The following EIF2AK3 variants were observed in gnomAD, a reference collection of about 807,000 sequenced individuals.
EIF2AK3 encodes the protein eukaryotic translation initiation factor 2-alpha kinase 3.
EIF2AK3 carries 50 observed loss-of-function variants against 113.5 expected under a neutral mutation model. The ratio of observed to expected loss-of-function variants is 0.44; its 90% CI spans 0.35 to 0.56. The LOEUF is 0.56. EIF2AK3 is among the 20% of genes least tolerant of loss of function. EIF2AK3 has a pLI of 0.00. For missense variants in EIF2AK3, 1,185 were observed against 1,378.0 expected (o/e 0.86, Z 2.22); for synonymous variants, 448 against 495.4 (o/e 0.90, Z 1.27).
At chr2:88,575,912 A>G (rs1674446906) in intron 12 of EIF2AK3, among the ~76,000 whole-genome samples, 1 of 152,192 alleles carries the variant, frequency 6.6e-6, no homozygotes. Flanking sequence ...TGTAGGTAGG[A>G]GTTTCACTCC....
intron 2 of EIF2AK3, among the ~76,000 whole-genome samples, chr2:88,606,434 A>C (rs1675280444): frequency 6.6e-6 from 1 of 152,244 alleles, no homozygotes; most frequent in Admixed American, 6.5e-5. Context: ...TAACAAAATT[A>C]AATTAAAGCA....
chr2:88,627,054 T>C lies in EIF2AK3; in HGVS notation c.221A>G (p.Asp74Gly). ...AVAAAEVTVE[D>G]AEALPAAAGE... ...CGCGGCTGCCGGCAGCGCCTCAGCG[T>C]CCTCCACAGTCACCTCGGCCGCAGC... The change falls in exon 1 of 17, where the codon GAC becomes GGC. Residue 74 changes from aspartate to glycine, a missense_variant. By Grantham distance (94) the Asp-to-Gly change is moderately conservative (BLOSUM62 -1). Transcript: ENST00000303236. 1 of 1,593,348 alleles carries C rather than the reference T, an allele frequency of 6.3e-7. No homozygotes were observed. The highest frequency in any genetic ancestry group is 8.5e-7 in the Non-Finnish European group (1 of 1,175,596).
At position 88,570,356 on chromosome 2, in the gene EIF2AK3, T is replaced by G. The variant is rs138682565; in HGVS notation, c.2985+518A>C. On this transcript the variant is annotated intron_variant, in intron 14 of 16. Transcript: ENST00000303236. ...GCCTGATGCTTCCAGGATGCCCTGC[T>G]CCCCCAGCTCTTCCAGTCCCTGCCC... Among the ~76,000 whole-genome samples the G allele has an allele frequency of 3.3e-3, 495 of 152,244 alleles. 8 individuals are homozygous for G. In the South Asian group the frequency reaches 0.035, roughly 11 times the overall value.
At chr2:88,588,935 G>A in intron 6 of EIF2AK3, 34 bp from the exon 7 acceptor site, 2 of 1,609,082 alleles carry the variant, frequency 1.2e-6, no homozygotes, top group Non-Finnish European at 1.7e-6. Context: ...ATTATGCATT[G>A]ATTTTTTTAA....
Position 88,574,983 on chromosome 2 carries a change from C to T in EIF2AK3, c.2500G>A (p.Ala834Thr), listed in dbSNP as rs751296708. The T allele has an allele frequency of 1.1e-5, 18 of 1,614,070 alleles. No individual in the cohort carries two copies. The highest frequency in any genetic ancestry group is 1.4e-5 in the Non-Finnish European group (16 of 1,180,034). ...TNRLHIGNHC[A>T]NKLTAFKPTS... ...GGCTTGAAAGCAGTTAGTTTATTAGCACAATGGTTGCCAATATGCAATCGA... is the reference window on the plus strand; with the variant it reads ...GGCTTGAAAGCAGTTAGTTTATTAGTACAATGGTTGCCAATATGCAATCGA... The change falls in exon 13 of 17, where the codon GCT becomes ACT. Residue 834 changes from alanine (A) to threonine (T), a missense_variant. Ala to Thr is a moderately conservative substitution (Grantham distance 58, BLOSUM62 0). This residue lies in a region of EIF2AK3 where 877 missense variants were observed against 1,024.2 expected (regional missense o/e 0.86). Transcript: ENST00000303236.
chr2:88,593,467 T>C (rs1689060123), intron 3 of EIF2AK3, 62 bp from the exon 4 acceptor site: 6 of 1,586,300 alleles, frequency 3.8e-6, no homozygotes, highest in Non-Finnish European at 1.7e-6. Flanking sequence ...AGATCAGAGA[T>C]ATTAAAGGAA....
chr2:88,616,852 G>A lies in EIF2AK3; in HGVS notation c.309-2999C>T, dbSNP rs13431875. 6.5e-3 allele frequency among the ~76,000 whole-genome samples: 989 copies of A among 152,274 alleles called. 14 individuals are homozygous for A. Among genetic ancestry groups the A allele is most frequent in the African/African-American group, 0.023 (952 of 41,542 alleles). On this transcript the variant is annotated intron_variant, in intron 1 of 16. Transcript: ENST00000303236. Reference sequence around the variant, plus strand: ...ATATTCCTGGTCAGGAATACAAGATGCAACTTTATCTCTTCTATATCACTT... The same window carrying A: ...ATATTCCTGGTCAGGAATACAAGATACAACTTTATCTCTTCTATATCACTT...
At chr2:88,559,328 A>G (rs915763952) in intron 15 of EIF2AK3, among the ~76,000 whole-genome samples, 1 of 152,220 alleles carries the variant, frequency 6.6e-6, no homozygotes, top group East Asian at 1.9e-4. Flanking sequence ...ATACAGTATA[A>G]TACTTATTTA....
At chr2:88,608,743 C>G (rs1379986179) in intron 2 of EIF2AK3, among the ~76,000 whole-genome samples, 1 of 108,548 alleles carries the variant, frequency 9.2e-6, no homozygotes, top group Non-Finnish European at 1.7e-5. Flanking sequence ...GGGTCTCACT[C>G]TGTCACCCAG....
At chr2:88,604,095 TAGAA>T (rs1675214412) in intron 2 of EIF2AK3, among the ~76,000 whole-genome samples, 3 of 152,182 alleles carry the variant, frequency 2.0e-5, no homozygotes, top group African/African-American at 7.2e-5. Flanking sequence ...TGTGGGAGAC[TAGAA>T]ATAGTCTCCC....
intron 6 of EIF2AK3, among the ~76,000 whole-genome samples, chr2:88,589,606 T>C (rs1313418779): frequency 1.3e-5 from 2 of 150,808 alleles, no homozygotes; most frequent in African/African-American, 2.4e-5. Flanking sequence ...TTTGAGGATA[T>C]ATACCTAACT....
At chr2:88,603,288 C>T (rs1573414601) in intron 2 of EIF2AK3, among the ~76,000 whole-genome samples, 2 of 152,204 alleles carry the variant, frequency 1.3e-5, no homozygotes, top group Non-Finnish European at 2.9e-5. Context: ...TTCTCAAAAT[C>T]GCTCTCCACA....
chr2:88,595,853 T>C (rs1323045885), intron 2 of EIF2AK3, 190 bp from the exon 3 acceptor site: 1 of 682,434 alleles, frequency 1.5e-6, no homozygotes, highest in Non-Finnish European at 2.6e-6. Context: ...CAACCAAAAG[T>C]AATTTAAAAG....
In EIF2AK3 at chr2:88,627,263, G is replaced by A; in HGVS notation, c.12C>T (p.Ala4=). 1 of 1,487,322 alleles carries A rather than the reference G, an allele frequency of 6.7e-7. No homozygotes were observed. The highest frequency in any genetic ancestry group is 2.9e-5 in the East Asian group (1 of 34,996). 92.1% of individuals were successfully genotyped at this position (1,487,322 alleles called of 1,614,324 possible). A position where few individuals can be genotyped will look rare whatever the true frequency, so the allele number is the denominator to read the frequency against. The change falls in exon 1 of 17, where the codon GCC becomes GCT. Residue 4 remains alanine (A), a synonymous_variant. Coordinates refer to ENST00000303236, the MANE Select transcript of EIF2AK3 (RefSeq NM_004836.7). MER[A]ISPGLLVRAL... ...CCCGTACCAGCAGCCCCGGGCTGAT[G>A]GCGCGCTCCATCAGCGTCCCGCCCC...
intron 3 of EIF2AK3, among the ~76,000 whole-genome samples, chr2:88,594,235 G>A (rs558748194): frequency 1.3e-5 from 2 of 152,284 alleles, no homozygotes; most frequent in South Asian, 2.1e-4. Context: ...TATATAAACC[G>A]TTTACACGTC....
At chr2:88,611,129 TAAAG>T (rs1393529300) in intron 2 of EIF2AK3, among the ~76,000 whole-genome samples, 1 of 152,102 alleles carries the variant, frequency 6.6e-6, no homozygotes, top group Non-Finnish European at 1.5e-5. Context: ...CCTGAGCTTG[TAAAG>T]AAAGGGAGGT....
intron 3 of EIF2AK3, among the ~76,000 whole-genome samples, chr2:88,594,959 TGAA>T (rs1248103978): frequency 6.6e-6 from 1 of 151,744 alleles, no homozygotes; most frequent in Non-Finnish European, 1.5e-5. Flanking sequence ...TTTGGGAGGC[TGAA>T]GTGGGCAGAT....
chr2:88,617,525 T>A (rs1424813256), intron 1 of EIF2AK3, among the ~76,000 whole-genome samples: 1 of 151,884 alleles, frequency 6.6e-6, no homozygotes, highest in East Asian at 1.9e-4. Flanking sequence ...TGGGGCCAGG[T>A]GCGGTGGCTC....
intron 3 of EIF2AK3, among the ~76,000 whole-genome samples, chr2:88,594,565 A>G (rs1055269588): frequency 6.6e-6 from 1 of 152,182 alleles, no homozygotes; most frequent in Non-Finnish European, 1.5e-5. Flanking sequence ...AGCAGATTAT[A>G]TTATGATTAT....
Sources: allele counts gnomAD v4.1 joint callset (sites outside exome capture counted in the v4.1 genomes callset), GRCh38; gene constraint gnomAD v4.1.1; regional missense constraint gnomAD v4.1.1; transcripts MANE v1.5; gene names NCBI Gene and HGNC (gene_info 2026-07-23, HGNC 2026-07-21).